Variants in MEI4 observed in about 807,000 individuals in gnomAD.
The protein encoded by MEI4 is meiosis-specific protein MEI4.
MEI4 carries 27 observed loss-of-function variants against 31.4 expected under a neutral mutation model. The ratio of observed to expected loss-of-function variants is 0.86; its 90% CI spans 0.63 to 1.19. The LOEUF is 1.19. Among genes scored for constraint, MEI4 ranks in the 50% most tolerant of loss-of-function variants. The probability of loss-of-function intolerance (pLI) is 0.00; values close to 1 mark genes in which losing one functional copy is unlikely to be tolerated. For missense variants in MEI4, 329 were observed against 398.9 expected (o/e 0.82, Z 1.49); for synonymous variants, 122 against 145.4 (o/e 0.84, Z 1.16).
At chr6:77,841,713 C>G (rs1402249403) in intron 4 of MEI4, among the ~76,000 whole-genome samples, 1 of 151,936 alleles carries the variant, frequency 6.6e-6, no homozygotes, top group Non-Finnish European at 1.5e-5. Context: ...AAAGTGGAAG[C>G]TAATAAGCAT....
intron 4 of MEI4, among the ~76,000 whole-genome samples, chr6:77,864,172 C>G (rs867955554): frequency 6.6e-6 from 1 of 152,160 alleles, no homozygotes; most frequent in Admixed American, 6.5e-5. Flanking sequence ...ACTGCATCAA[C>G]TAACAAGCAA....
intron 4 of MEI4, among the ~76,000 whole-genome samples, chr6:77,910,537 G>A (rs1766409539): frequency 6.6e-6 from 1 of 152,122 alleles, no homozygotes; most frequent in Non-Finnish European, 1.5e-5. Flanking sequence ...AGAAACAACT[G>A]CTCAATGAAA....
At chr6:77,821,021 A>G (rs1182276339) in intron 3 of MEI4, among the ~76,000 whole-genome samples, 1 of 151,604 alleles carries the variant, frequency 6.6e-6, no homozygotes, top group African/African-American at 2.4e-5. Context: ...TCTCTTTCCT[A>G]TATTATGGAT....
chr6:77,816,319 C>T (rs1769689060), intron 3 of MEI4, among the ~76,000 whole-genome samples: 1 of 152,066 alleles, frequency 6.6e-6, no homozygotes, highest in South Asian at 2.1e-4. Context: ...CAAAGTGTGT[C>T]ATCAGTAAGA....
intron 3 of MEI4, among the ~76,000 whole-genome samples, chr6:77,800,719 CA>C (rs1241744461): frequency 6.6e-6 from 1 of 152,150 alleles, no homozygotes; most frequent in African/African-American, 2.4e-5. Context: ...TGAATTTTGT[CA>C]AAGGCCTTTT....
intron 2 of MEI4, among the ~76,000 whole-genome samples, chr6:77,696,474 AG>A (rs1279660939): frequency 1.3e-5 from 2 of 152,060 alleles, no homozygotes; most frequent in Non-Finnish European, 2.9e-5. Flanking sequence ...TTTAGCATGA[AG>A]GGTTGTTGAA....
intron 3 of MEI4, 144 bp downstream of exon 3, chr6:77,761,809 AT>A (rs774100843): frequency 8.6e-6 from 4 of 465,738 alleles, no homozygotes; most frequent in Non-Finnish European, 1.4e-5. Flanking sequence ...TGCAGCTCTT[AT>A]CTGTCATGAT....
chr6:77,760,351 T>C (rs1027032347), intron 2 of MEI4, among the ~76,000 whole-genome samples: 3 of 152,018 alleles, frequency 2.0e-5, no homozygotes, highest in African/African-American at 4.8e-5. Context: ...TCCAAAGGGG[T>C]CTTATATTAT....
At chr6:77,662,400 C>T (rs1371617218) in intron 1 of MEI4, among the ~76,000 whole-genome samples, 5 of 152,074 alleles carry the variant, frequency 3.3e-5, no homozygotes, top group Admixed American at 3.3e-4. Context: ...TCATGAGGGT[C>T]AGGTGTGGTA....
chr6:77,922,529 A>G (rs1346663772), intron 4 of MEI4, among the ~76,000 whole-genome samples: 2 of 151,618 alleles, frequency 1.3e-5, no homozygotes, highest in Admixed American at 6.6e-5. Context: ...TGACTTATCT[A>G]TCTCACATTC....
intron 2 of MEI4, among the ~76,000 whole-genome samples, chr6:77,745,577 C>A (rs1426282044): frequency 1.3e-5 from 2 of 152,134 alleles, no homozygotes; most frequent in Non-Finnish European, 2.9e-5. Context: ...AGAAAGTTAA[C>A]AAGGATACCC....
chr6:77,791,817 C>CATT (rs1165738408), intron 3 of MEI4, among the ~76,000 whole-genome samples: 1 of 151,922 alleles, frequency 6.6e-6, no homozygotes, highest in Admixed American at 6.6e-5. Flanking sequence ...TTCAAGAATT[C>CATT]ATTATTATTA....
rs1459225742 is a variant in MEI4, at chr6:77,663,570, T to C, written c.-15+10478T>C. Among the ~76,000 whole-genome samples the C allele has an allele frequency of 2.0e-5, 3 of 152,090 alleles. No individual in the cohort carries two copies. In the East Asian group the frequency reaches 5.8e-4, roughly 29 times the overall value. ...GGTGGGGATAATTAAAAAGGAGTGC[T>C]TAAAAGAGTATTGTCTAAGTTGGCA... On this transcript the variant is annotated intron_variant, in intron 1 of 4. Transcript: ENST00000684080.
At chr6:77,801,651 T>C (rs1489624857) in intron 3 of MEI4, among the ~76,000 whole-genome samples, 1 of 152,226 alleles carries the variant, frequency 6.6e-6, no homozygotes. Flanking sequence ...CTCTACACGC[T>C]GCTTTGAATG....
intron 3 of MEI4, among the ~76,000 whole-genome samples, chr6:77,826,727 A>G (rs1769959845): frequency 6.6e-6 from 1 of 151,880 alleles, no homozygotes; most frequent in African/African-American, 2.4e-5. Flanking sequence ...GCTCTACCTA[A>G]TAAGTGTCAG....
intron 3 of MEI4, among the ~76,000 whole-genome samples, chr6:77,790,357 C>A (rs527792181): frequency 9.9e-5 from 15 of 151,766 alleles, no homozygotes; most frequent in African/African-American, 3.4e-4. Context: ...ACATATGTAA[C>A]CTGCACGTTG....
intron 4 of MEI4, among the ~76,000 whole-genome samples, chr6:77,876,779 TA>T (rs1343026011): frequency 6.6e-6 from 1 of 152,092 alleles, no homozygotes; most frequent in Non-Finnish European, 1.5e-5. Flanking sequence ...TTAAACCCAT[TA>T]AAAATATTAA....
upstream of MEI4, among the ~76,000 whole-genome samples, chr6:77,651,892 C>CA (rs1362558973): frequency 6.6e-6 from 1 of 151,994 alleles, no homozygotes; most frequent in Non-Finnish European, 1.5e-5. Context: ...ATCAGCTTTG[C>CA]AAAAAACTGT....
chr6:77,806,137 G>T (rs1471461255), intron 3 of MEI4, among the ~76,000 whole-genome samples: 1 of 152,088 alleles, frequency 6.6e-6, no homozygotes, highest in African/African-American at 2.4e-5. Context: ...TTAGAACAGA[G>T]CATGTACATA....
Sources: allele counts gnomAD v4.1 joint callset (sites outside exome capture counted in the v4.1 genomes callset), GRCh38; gene constraint gnomAD v4.1.1; transcripts MANE v1.5; gene names NCBI Gene and HGNC (gene_info 2026-07-23, HGNC 2026-07-21).